CEP128: variants seen among roughly 807,000 people sequenced by gnomAD.
CEP128 encodes the protein centrosomal protein 128.
CEP128 carries 132 observed loss-of-function variants against 156.7 expected under a neutral mutation model. That is an observed-to-expected ratio of 0.84 (90% CI 0.73 to 0.97). The LOEUF is 0.97. Among genes scored for constraint, CEP128 ranks in the 50% least tolerant of loss-of-function variants. The pLI is 0.00. For synonymous variants in CEP128, 469 were observed against 448.9 expected (o/e 1.04, Z -0.57); for missense variants, 1,252 against 1,281.9 (o/e 0.98, Z 0.36).
chr14:80,954,863 G>T (rs573964107), intron 2 of CEP128: 49 of 152,496 alleles, frequency 3.2e-4, no homozygotes, highest in African/African-American at 1.2e-3. Context: ...TTCCATACTG[G>T]ACCCATTATT....
At chr14:80,500,288 G>C (rs540370261) in intron 24 of CEP128, among the ~76,000 whole-genome samples, 1 of 152,136 alleles carries the variant, frequency 6.6e-6, no homozygotes, top group Non-Finnish European at 1.5e-5. Context: ...GAATGCCTTA[G>C]CATCTACAGC....
intron 14 of CEP128, among the ~76,000 whole-genome samples, chr14:80,787,136 T>C (rs1050951687): frequency 6.6e-6 from 1 of 152,146 alleles, no homozygotes; most frequent in Admixed American, 6.5e-5. Flanking sequence ...CTGCTTCCAA[T>C]AGGTTGAAAG....
At chr14:80,603,454 C>A (rs1003611300) in intron 19 of CEP128, among the ~76,000 whole-genome samples, 2 of 152,152 alleles carry the variant, frequency 1.3e-5, no homozygotes, top group Non-Finnish European at 2.9e-5. Flanking sequence ...AATGAATACA[C>A]TAAAATGTAC....
chr14:80,804,795 GAGT>G (rs1884078083), intron 13 of CEP128, among the ~76,000 whole-genome samples: 1 of 152,002 alleles, frequency 6.6e-6, no homozygotes, highest in Non-Finnish European at 1.5e-5. Flanking sequence ...AACTAAAATG[GAGT>G]AGATGCTTTA....
intron 19 of CEP128, among the ~76,000 whole-genome samples, chr14:80,617,762 T>TGGGCAACATGGC (rs1566814036): frequency 6.6e-6 from 1 of 152,026 alleles, no homozygotes; most frequent in Admixed American, 6.5e-5. Flanking sequence ...GGCAACATGG[T>TGGGCAACATGGC]GAGACCCGCC....
chr14:80,736,070 G>A (rs1289642717), intron 19 of CEP128, among the ~76,000 whole-genome samples: 1 of 152,094 alleles, frequency 6.6e-6, no homozygotes, highest in African/African-American at 2.4e-5. Flanking sequence ...TTTTGGCAGA[G>A]GAGGGAGGGA....
At chr14:80,903,895 C>T (rs1332656537) in intron 6 of CEP128, among the ~76,000 whole-genome samples, 3 of 151,964 alleles carry the variant, frequency 2.0e-5, no homozygotes, top group South Asian at 2.1e-4. Flanking sequence ...CTACTGGGAA[C>T]GTAAACTAGT....
chr14:80,645,652 T>C (rs920212856), intron 19 of CEP128, among the ~76,000 whole-genome samples: 1 of 152,164 alleles, frequency 6.6e-6, no homozygotes, highest in Non-Finnish European at 1.5e-5. Context: ...TTTTGAAAGA[T>C]AGTTTGTCAG....
chr14:80,737,789 C>G (rs1349423741), intron 19 of CEP128, among the ~76,000 whole-genome samples: 1 of 152,126 alleles, frequency 6.6e-6, no homozygotes, highest in East Asian at 1.9e-4. Flanking sequence ...ACTCAGGAGT[C>G]TGAGATGGGA....
At chr14:80,537,549 T>TA (rs1566765364) in intron 21 of CEP128, among the ~76,000 whole-genome samples, 2 of 152,176 alleles carry the variant, frequency 1.3e-5, no homozygotes, top group Non-Finnish European at 2.9e-5. Context: ...ACTAGGCACT[T>TA]ACAACTGTTT....
chr14:80,534,433 T>C (rs968089432), intron 21 of CEP128, among the ~76,000 whole-genome samples: 13 of 152,198 alleles, frequency 8.5e-5, no homozygotes, highest in Admixed American at 5.9e-4. Context: ...GCAAAATACT[T>C]TGTGCAGAGT....
chr14:80,622,342 A>C (rs1893514898), intron 19 of CEP128, among the ~76,000 whole-genome samples: 1 of 151,924 alleles, frequency 6.6e-6, no homozygotes, highest in Non-Finnish European at 1.5e-5. Context: ...TTAGACCTAA[A>C]ACCATAAAAA....
At chr14:80,793,150 G>T in intron 13 of CEP128, 40 bp from the exon 14 acceptor site, 1 of 1,494,866 alleles carries the variant, frequency 6.7e-7, no homozygotes, top group Non-Finnish European at 9.2e-7. Context: ...ACAAATCCTT[G>T]TCAAAATTGG....
intron 19 of CEP128, among the ~76,000 whole-genome samples, chr14:80,647,034 CATGTAT>C (rs1894671511): frequency 5.8e-5 from 1 of 17,384 alleles, no homozygotes; most frequent in Non-Finnish European, 1.4e-4. Context: ...TATATGTGTG[CATGTAT>C]ATATATATAT....
chr14:80,573,368 A>AT (rs1891228455), intron 20 of CEP128, among the ~76,000 whole-genome samples: 1 of 152,160 alleles, frequency 6.6e-6, no homozygotes, highest in Admixed American at 6.5e-5. Context: ...TAGAAGCTTG[A>AT]TTCAAGCAGA....
chr14:80,955,463 GT>G, intron 2 of CEP128: 2 of 615,608 alleles, frequency 3.2e-6, no homozygotes, highest in African/African-American at 1.8e-5. Context: ...AAGCAGACTT[GT>G]TTGGGTCAAG....
intron 14 of CEP128, among the ~76,000 whole-genome samples, chr14:80,790,510 A>G (rs1027343390): frequency 2.0e-4 from 31 of 152,108 alleles, no homozygotes; most frequent in Admixed American, 6.6e-5. Context: ...GAAGTACACC[A>G]CAATTCCCTG....
intron 19 of CEP128, among the ~76,000 whole-genome samples, chr14:80,603,585 T>C (rs1241915228): frequency 6.6e-6 from 1 of 152,200 alleles, no homozygotes; most frequent in African/African-American, 2.4e-5. Flanking sequence ...ATCAGTCACA[T>C]GGGTCTACAA....
chr14:80,709,375 T>G (rs1897324358), intron 19 of CEP128, among the ~76,000 whole-genome samples: 1 of 152,144 alleles, frequency 6.6e-6, no homozygotes. Context: ...TGACCTCAGG[T>G]GATCCATCTG....
Sources: allele counts gnomAD v4.1 joint callset (sites outside exome capture counted in the v4.1 genomes callset), GRCh38; gene constraint gnomAD v4.1.1; transcripts MANE v1.5; gene names NCBI Gene and HGNC (gene_info 2026-07-23, HGNC 2026-07-21).